CCDC178: variants seen among roughly 807,000 people sequenced by gnomAD.
CCDC178 encodes coiled-coil domain containing 178.
Under a neutral mutation model 117.4 loss-of-function variants are expected in CCDC178, and 126 were observed. The ratio of observed to expected loss-of-function variants is 1.07; its 90% CI spans 0.93 to 1.24. The LOEUF (loss-of-function observed/expected upper bound fraction) is 1.24. CCDC178 is among the 50% of genes most tolerant of loss of function. The pLI is 0.00. For synonymous variants in CCDC178, 283 were observed against 313.4 expected, an observed-to-expected ratio of 0.90 and a Z score of 1.02; for missense variants, 1,030 against 986.9, an observed-to-expected ratio of 1.04 and a Z score of -0.59.
At chr18:33,156,879 T>G (rs529853948) in intron 20 of CCDC178, among the ~76,000 whole-genome samples, 1 of 152,192 alleles carries the variant, frequency 6.6e-6, no homozygotes, top group African/African-American at 2.4e-5. Flanking sequence ...TGGTATTCAG[T>G]TGGCAAAAAA....
Position 33,354,608 on chromosome 18 carries a change from A to AT in CCDC178, c.371+1715dup, listed in dbSNP as rs749999694. On this transcript the variant is annotated intron_variant, in intron 7 of 22. Coordinates refer to ENST00000383096, the MANE Select transcript of CCDC178 (RefSeq NM_001105528.4). ...AGTTAGTTTATTTTTCAGTTCCAGAATTTTTTTTTTTTTTTTTTTCCAGAC... is the reference window on the plus strand; with the variant it reads ...AGTTAGTTTATTTTTCAGTTCCAGAATTTTTTTTTTTTTTTTTTTTCCAGAC... Among the ~76,000 whole-genome samples the AT allele has an allele frequency of 6.3e-3, 877 of 138,482 alleles. 1 individual carries two copies. Among genetic ancestry groups the AT allele is most frequent in the Non-Finnish European group, 7.1e-3 (452 of 63,730 alleles). The allele number at this position is 138,482 out of a possible 152,430, so 90.8% of individuals were successfully genotyped here.
At chr18:33,046,706 G>A (rs1325602568) in intron 21 of CCDC178, among the ~76,000 whole-genome samples, 1 of 152,106 alleles carries the variant, frequency 6.6e-6, no homozygotes, top group Non-Finnish European at 1.5e-5. Flanking sequence ...GAAGGAGCAG[G>A]CACCATCTTT....
At chr18:33,327,891 C>A (rs1192343034) in intron 10 of CCDC178, among the ~76,000 whole-genome samples, 1 of 152,036 alleles carries the variant, frequency 6.6e-6, no homozygotes, top group Non-Finnish European at 1.5e-5. Flanking sequence ...CTCATATATT[C>A]TGGGAACTAT....
At chr18:33,189,819 G>A (rs1191768584) in intron 20 of CCDC178, among the ~76,000 whole-genome samples, 1 of 152,128 alleles carries the variant, frequency 6.6e-6, no homozygotes, top group Non-Finnish European at 1.5e-5. Context: ...TTGACTATAA[G>A]ATTCCAGTTT....
chr18:33,059,789 A>C (rs530750223), intron 21 of CCDC178, among the ~76,000 whole-genome samples: 1 of 152,146 alleles, frequency 6.6e-6, no homozygotes, highest in Non-Finnish European at 1.5e-5. Flanking sequence ...TATTTCTTCA[A>C]GGGTAATTTC....
intron 11 of CCDC178, among the ~76,000 whole-genome samples, chr18:33,313,832 C>T (rs1199017841): frequency 6.6e-6 from 1 of 152,166 alleles, no homozygotes; most frequent in Non-Finnish European, 1.5e-5. Flanking sequence ...AGCTCAGCGC[C>T]TCAGGACACC....
At chr18:33,046,676 C>A (rs1308809465) in intron 21 of CCDC178, among the ~76,000 whole-genome samples, 2 of 152,110 alleles carry the variant, frequency 1.3e-5, no homozygotes, top group Non-Finnish European at 2.9e-5. Context: ...ATGTTTGCTA[C>A]AAGTAGCTAC....
intron 20 of CCDC178, among the ~76,000 whole-genome samples, chr18:33,164,365 C>A (rs776399833): frequency 6.6e-6 from 1 of 151,930 alleles, no homozygotes; most frequent in Non-Finnish European, 1.5e-5. Context: ...CCGCCAACCT[C>A]GGCCTCCCAA....
At chr18:33,107,434 T>C (rs939338608) in intron 20 of CCDC178, among the ~76,000 whole-genome samples, 1 of 151,608 alleles carries the variant, frequency 6.6e-6, no homozygotes, top group African/African-American at 2.4e-5. Flanking sequence ...CAATCCCAAA[T>C]GCCATAATCC....
At chr18:33,244,368 G>C (rs1406523767) in intron 15 of CCDC178, among the ~76,000 whole-genome samples, 1 of 151,904 alleles carries the variant, frequency 6.6e-6, no homozygotes, top group Non-Finnish European at 1.5e-5. Context: ...TTGCAAGTCT[G>C]ATATGGTTTG....
At chr18:32,950,705 C>G (rs1598721646) in intron 22 of CCDC178, among the ~76,000 whole-genome samples, 1 of 151,984 alleles carries the variant, frequency 6.6e-6, no homozygotes, top group Non-Finnish European at 1.5e-5. Flanking sequence ...GTAATAGGCC[C>G]AGTTTAACAG....
intron 5 of CCDC178, 55 bp from the exon 6 acceptor site, chr18:33,370,244 G>T (rs2063279008): frequency 7.2e-7 from 1 of 1,380,108 alleles, no homozygotes; most frequent in South Asian, 1.5e-5. Flanking sequence ...AGTAAATTTT[G>T]ATGTTCAGAA....
chr18:33,144,622 G>T (rs893286195), intron 20 of CCDC178, among the ~76,000 whole-genome samples: 1 of 151,970 alleles, frequency 6.6e-6, no homozygotes, highest in African/African-American at 2.4e-5. Flanking sequence ...CATAATCTCC[G>T]TTCCTTATGC....
chr18:33,016,959 C>T (rs2056004675), intron 21 of CCDC178, among the ~76,000 whole-genome samples: 2 of 151,882 alleles, frequency 1.3e-5, no homozygotes, highest in African/African-American at 4.8e-5. Flanking sequence ...AAGGGAACTT[C>T]TCAATTTGGT....
intron 21 of CCDC178, among the ~76,000 whole-genome samples, chr18:33,086,447 T>C (rs378799): frequency 0.14 from 20,339 of 145,154 alleles, 2,048 homozygotes; most frequent in African/African-American, 0.3. Context: ...CACACACACA[T>C]ATATATATAT....
intron 14 of CCDC178, among the ~76,000 whole-genome samples, chr18:33,251,140 A>T (rs1227048056): frequency 2.6e-5 from 4 of 151,674 alleles, no homozygotes; most frequent in African/African-American, 7.2e-5. Context: ...TACAAAAAAA[A>T]TAGAAAGAGA....
chr18:33,124,127 A>G (rs935958967), intron 20 of CCDC178, among the ~76,000 whole-genome samples: 2 of 152,232 alleles, frequency 1.3e-5, no homozygotes, highest in Admixed American at 1.3e-4. Flanking sequence ...TAAATGGAAC[A>G]GACTACACTT....
chr18:33,002,165 A>G (rs1402306149), intron 21 of CCDC178, among the ~76,000 whole-genome samples: 1 of 152,178 alleles, frequency 6.6e-6, no homozygotes, highest in African/African-American at 2.4e-5. Context: ...AATTTCCACT[A>G]TAGGACAAAT....
chr18:33,243,857 CATTG>C (rs1315516869), intron 15 of CCDC178, among the ~76,000 whole-genome samples: 2 of 151,722 alleles, frequency 1.3e-5, no homozygotes, highest in Middle Eastern at 6.3e-3. Context: ...ATGATATCTT[CATTG>C]ATATCCTCAA....
Sources: allele counts gnomAD v4.1 joint callset (sites outside exome capture counted in the v4.1 genomes callset), GRCh38; gene constraint gnomAD v4.1.1; transcripts MANE v1.5; gene names NCBI Gene and HGNC (gene_info 2026-07-23, HGNC 2026-07-21).